The following ADAM17 variants were observed in gnomAD, a reference collection of about 807,000 sequenced individuals.
ADAM17 encodes ADAM metallopeptidase domain 17.
ADAM17 carries 39 observed loss-of-function variants against 96.7 expected under a neutral mutation model. The ratio of observed to expected loss-of-function variants is 0.40; its 90% CI spans 0.31 to 0.53. The LOEUF (loss-of-function observed/expected upper bound fraction) is 0.53, where lower values mean the gene tolerates loss of function less well. Ranked by LOEUF, ADAM17 falls within the 20% of genes least tolerant of loss-of-function variation. The probability of loss-of-function intolerance (pLI) is 0.44; values close to 1 mark genes in which losing one functional copy is unlikely to be tolerated. For missense variants in ADAM17, 777 were observed against 1,013.2 expected, an observed-to-expected ratio of 0.77 and a Z score of 3.17; for synonymous variants, 344 against 359.2, an observed-to-expected ratio of 0.96 and a Z score of 0.48.
At chr2:9,548,738 G>A (rs1665492257) in intron 1 of ADAM17, among the ~76,000 whole-genome samples, 1 of 152,148 alleles carries the variant, frequency 6.6e-6, no homozygotes. Context: ...TTTTCAGCAG[G>A]GAGAGTAAAT....
At chr2:9,508,768 T>C (rs1375038189) in intron 11 of ADAM17, among the ~76,000 whole-genome samples, 1 of 152,108 alleles carries the variant, frequency 6.6e-6, no homozygotes, top group African/African-American at 2.4e-5. Context: ...TGGGCAGCAC[T>C]GAACTATAGT....
chr2:9,501,278 A>ACTTTAATCT (rs1662987551), intron 13 of ADAM17, among the ~76,000 whole-genome samples: 1 of 152,196 alleles, frequency 6.6e-6, no homozygotes, highest in African/African-American at 2.4e-5. Context: ...ACAAGAGATT[A>ACTTTAATCT]CTTTATACTC....
chr2:9,497,612 C>T (rs1158411555), intron 13 of ADAM17, among the ~76,000 whole-genome samples: 2 of 152,240 alleles, frequency 1.3e-5, no homozygotes, highest in Non-Finnish European at 2.9e-5. Flanking sequence ...CTATCTGGCC[C>T]TGACTTCATC....
chr2:9,521,292 C>G lies in ADAM17; in HGVS notation c.868G>C (p.Glu290Gln), dbSNP rs773704430. 1 of 1,608,660 alleles carries G rather than the reference C, an allele frequency of 6.2e-7. No individual in the cohort carries two copies. The highest frequency in any genetic ancestry group is 8.5e-7 in the Non-Finnish European group (1 of 1,175,262). ...EQIRILKSPQ[E>Q]VKPGEKHYNM... is the part of the protein sequence containing the mutation. ...TAGTGCTTTTCACCAGGTTTTACCTCTTGTGGAGACTTGAGAATGCGAATC... is the reference window on the plus strand; with the variant it reads ...TAGTGCTTTTCACCAGGTTTTACCTGTTGTGGAGACTTGAGAATGCGAATC... Residue 290 changes from glutamate (E) to glutamine (Q), a missense_variant, in exon 8 of 19, where the codon GAG (glutamate) becomes CAG (glutamine). Glu to Gln is a conservative substitution (Grantham distance 29). Around this residue, in one of 3 missense-constraint regions of ADAM17, gnomAD observed 446 missense variants for 664.7 expected, o/e 0.67. Transcript: ENST00000310823.
At chr2:9,521,511 T>C (rs563541754) in intron 7 of ADAM17, 195 bp from the exon 8 acceptor site, 451 of 290,648 alleles carry the variant, frequency 1.6e-3, no homozygotes, top group Middle Eastern at 3.2e-3. Context: ...GGAAAACATA[T>C]GTCAATGAAT....
Position 9,502,221 on chromosome 2 carries a change from ACTT to A in ADAM17, c.1597_1599del (p.Lys533del), listed in dbSNP as rs760760055. 10 of 1,614,002 alleles carry A rather than the reference ACTT, an allele frequency of 6.2e-6. No individual in the cohort carries two copies. Among genetic ancestry groups the A allele is most frequent in the South Asian group, 3.3e-5 (3 of 91,084 alleles). On this transcript the variant is annotated inframe_deletion, in exon 13 of 19. Coordinates refer to ENST00000310823, the MANE Select transcript of ADAM17 (RefSeq NM_003183.6). Reference sequence around the variant, plus strand: ...CAAGTAGCATTAATCGCCTCCTGGCACTTCTTCTGGGCAGTCTCAAACTGACAG... The same window carrying A: ...CAAGTAGCATTAATCGCCTCCTGGCACTTCTGGGCAGTCTCAAACTGACAG...
intron 4 of ADAM17, among the ~76,000 whole-genome samples, chr2:9,532,868 T>C (rs1664804053): frequency 6.6e-6 from 1 of 152,156 alleles, no homozygotes; most frequent in Non-Finnish European, 1.5e-5. Flanking sequence ...ACAGAATTCC[T>C]ATTTTTCCAA....
chr2:9,523,695 C>T (rs1317531135), intron 6 of ADAM17, among the ~76,000 whole-genome samples: 1 of 152,090 alleles, frequency 6.6e-6, no homozygotes, highest in Non-Finnish European at 1.5e-5. Context: ...ACAGTTGACC[C>T]TTGAACAACA....
chr2:9,549,054 TA>T (rs1173308883), intron 1 of ADAM17, among the ~76,000 whole-genome samples: 1 of 152,198 alleles, frequency 6.6e-6, no homozygotes, highest in Non-Finnish European at 1.5e-5. Context: ...ATTTTTAAGC[TA>T]AAACTAATCG....
intron 10 of ADAM17, among the ~76,000 whole-genome samples, chr2:9,515,333 A>G (rs972002680): frequency 2.6e-5 from 4 of 152,182 alleles, no homozygotes; most frequent in Non-Finnish European, 5.9e-5. Context: ...TCATGGCTTA[A>G]TAGCTTTTTA....
chr2:9,543,027 C>T, intron 2 of ADAM17, 126 bp downstream of exon 2: 1 of 1,259,620 alleles, frequency 7.9e-7, no homozygotes, highest in Non-Finnish European at 1.1e-6. Context: ...AAGCATTATA[C>T]TGGAAATTAA....
intron 4 of ADAM17, among the ~76,000 whole-genome samples, chr2:9,535,028 A>G (rs932563095): frequency 4.6e-5 from 7 of 152,224 alleles, no homozygotes; most frequent in African/African-American, 1.7e-4. Context: ...CTGCAAGGCC[A>G]TAGGTTTCTT....
intron 1 of ADAM17, among the ~76,000 whole-genome samples, chr2:9,551,642 G>T (rs1665593506): frequency 6.6e-6 from 1 of 152,038 alleles, no homozygotes; most frequent in African/African-American, 2.4e-5. Flanking sequence ...TGTATTTTTA[G>T]TACAGACAGG....
chr2:9,552,773 T>C (rs1665623215), intron 1 of ADAM17, among the ~76,000 whole-genome samples: 1 of 152,228 alleles, frequency 6.6e-6, no homozygotes, highest in Admixed American at 6.5e-5. Flanking sequence ...ATATGACTCA[T>C]AACTTTCCTA....
chr2:9,508,051 T>C (rs1322093613), intron 11 of ADAM17, among the ~76,000 whole-genome samples: 13 of 152,190 alleles, frequency 8.5e-5, no homozygotes, highest in Admixed American at 7.9e-4. Context: ...GCCCCAGAAC[T>C]GGCAGCAGGA....
In ADAM17 at chr2:9,488,702, T is replaced by C. The variant is rs984923192; in HGVS notation, c.*1475A>G. 3.8e-5 allele frequency: 6 copies of C among 158,668 alleles called. No individual in the cohort carries two copies. The highest frequency in any genetic ancestry group is 1.4e-4 in the African/African-American group (6 of 41,680). 9.8% of individuals were successfully genotyped at this position (158,668 alleles called of 1,614,324 possible). A position where few individuals can be genotyped will look rare whatever the true frequency, so the allele number is the denominator to read the frequency against. Reference sequence around the variant, plus strand: ...TTGTATCAAATTCCAAAAGTGTAACTAAAGTATAAGAATATCATGACTAGT... The same window carrying C: ...TTGTATCAAATTCCAAAAGTGTAACCAAAGTATAAGAATATCATGACTAGT... On this transcript the variant is annotated 3_prime_UTR_variant, in exon 19 of 19. Coordinates refer to ENST00000310823, the MANE Select transcript of ADAM17 (RefSeq NM_003183.6).
At chr2:9,510,530 G>C (rs2125008468) in intron 10 of ADAM17, among the ~76,000 whole-genome samples, 1 of 152,278 alleles carries the variant, frequency 6.6e-6, no homozygotes, top group Non-Finnish European at 1.5e-5. Flanking sequence ...TGGGCATGGA[G>C]GCACGCGCCT....
intron 5 of ADAM17, 30 bp from the exon 6 acceptor site, chr2:9,526,274 C>T (rs771963890): frequency 6.3e-7 from 1 of 1,593,982 alleles, no homozygotes; most frequent in African/African-American, 1.3e-5. Context: ...ACTATTAAAT[C>T]AAAATTCACC....
intron 5 of ADAM17, among the ~76,000 whole-genome samples, chr2:9,526,555 C>T (rs554135421): frequency 6.6e-6 from 1 of 151,792 alleles, no homozygotes; most frequent in Admixed American, 6.6e-5. Context: ...CAGCACTTTG[C>T]GAGGCCAAGG....
Sources: gnomAD v4.1 joint callset for allele counts (sites outside exome capture counted in the v4.1 genomes callset) on GRCh38, gnomAD v4.1.1 for gene constraint, gnomAD v4.1.1 regional missense constraint, MANE v1.5 for transcripts, NCBI Gene and HGNC (gene_info 2026-07-23, HGNC 2026-07-21) for gene names.